Variants in MLC1 observed in about 807,000 individuals in gnomAD.
MLC1 encodes membrane protein MLC1.
Under a neutral mutation model 44.7 loss-of-function variants are expected in MLC1, and 32 were observed. That is an observed-to-expected ratio of 0.72 (90% CI 0.54 to 0.96). The LOEUF is 0.96. Ranked by LOEUF, MLC1 falls within the 40% of genes least tolerant of loss-of-function variation. The pLI, the probability that MLC1 is intolerant of heterozygous loss-of-function variation, is 0.00. For synonymous variants in MLC1, 190 were observed against 213.0 expected, an observed-to-expected ratio of 0.89 and a Z score of 0.94; for missense variants, 459 against 492.2, an observed-to-expected ratio of 0.93 and a Z score of 0.64.
chr22:50,064,513 G>A (rs900781221), intron 10 of MLC1, among the ~76,000 whole-genome samples: 3 of 152,152 alleles, frequency 2.0e-5, no homozygotes, highest in South Asian at 2.1e-4. Flanking sequence ...GCTCCAACAC[G>A]CGCAAGGCTC....
At chr22:50,078,342 A>T (rs2146892051) in intron 5 of MLC1, among the ~76,000 whole-genome samples, 1 of 152,284 alleles carries the variant, frequency 6.6e-6, no homozygotes, top group African/African-American at 2.4e-5. Flanking sequence ...ACCACATTCA[A>T]CTAAAAACAG....
At chr22:50,084,604 G>T in intron 2 of MLC1, 122 bp downstream of exon 2, 1 of 1,073,812 alleles carries the variant, frequency 9.3e-7, no homozygotes, top group Non-Finnish European at 1.4e-6. Context: ...GAGTTCTGCA[G>T]CAGCAGGGTT....
intron 11 of MLC1, among the ~76,000 whole-genome samples, chr22:50,062,832 C>T (rs1299849401): frequency 2.0e-5 from 3 of 152,216 alleles, no homozygotes; most frequent in Non-Finnish European, 4.4e-5. Context: ...CCCAGGGGAG[C>T]ACCACCAGGA....
chr22:50,081,785 G>A (rs908676496), intron 3 of MLC1, among the ~76,000 whole-genome samples: 3 of 152,240 alleles, frequency 2.0e-5, no homozygotes, highest in Admixed American at 6.5e-5. Context: ...AAGAAAGGCC[G>A]GGGGCAGGGC....
chr22:50,070,493 G>A (rs555846381), intron 9 of MLC1, 34 bp downstream of exon 9: 2 of 1,548,222 alleles, frequency 1.3e-6, no homozygotes, highest in African/African-American at 2.7e-5. Context: ...CGCTCGGTGG[G>A]TCCCTGGCAC....
chr22:50,066,280 C>T (rs914107372), intron 10 of MLC1, among the ~76,000 whole-genome samples: 26 of 152,094 alleles, frequency 1.7e-4, no homozygotes, highest in African/African-American at 6.3e-4. Flanking sequence ...GGGCGGATCG[C>T]TTCAGCCCAG....
At chr22:50,070,074 C>T (rs112798629) in intron 9 of MLC1, among the ~76,000 whole-genome samples, 9,400 of 151,906 alleles carry the variant, frequency 0.062, 967 homozygotes, top group African/African-American at 0.21. Flanking sequence ...TGGTGGCAGG[C>T]GCCTATAATC....
At chr22:50,068,723 TTC>T (rs375501945) in intron 9 of MLC1, among the ~76,000 whole-genome samples, 168 bp from the exon 10 acceptor site, 1 of 110,412 alleles carries the variant, frequency 9.1e-6, no homozygotes, top group African/African-American at 3.6e-5. Context: ...TTTTTTCTTT[TTC>T]TTTTTTTTTT....
rs8136173 is a variant in MLC1, at chr22:50,064,459, T to C, written c.895-261A>G. Among the ~76,000 whole-genome samples the C allele has an allele frequency of 0.099, 15,082 of 152,266 alleles. 922 individuals carry two copies. Among genetic ancestry groups the C allele is most frequent in the East Asian group, 0.32 (1,666 of 5,176 alleles). ...GTGACCGAGCCACTGCCAGGCCCCG[T>C]GGACAGTGCTGGCTGCTAGTGGTCA... On this transcript the variant is annotated intron_variant, in intron 10 of 11. Coordinates refer to ENST00000311597, the MANE Select transcript of MLC1 (RefSeq NM_015166.4).
chr22:50,062,741 G>A (rs542209801), intron 11 of MLC1, among the ~76,000 whole-genome samples: 2 of 151,912 alleles, frequency 1.3e-5, no homozygotes, highest in South Asian at 2.1e-4. Context: ...TCAGAGCCCC[G>A]CTGAGTGGCT....
At chr22:50,064,318 C>T (rs2061657886) in intron 10 of MLC1, 120 bp from the exon 11 acceptor site, 11 of 1,215,736 alleles carry the variant, frequency 9.0e-6, no homozygotes, top group Non-Finnish European at 1.3e-5. Context: ...GTCGGAGCCC[C>T]AGTAACCCAA....
rs199506102 is a variant in MLC1, at chr22:50,066,723, G to GA, written c.894+1709dup. On this transcript the variant is annotated intron_variant, in intron 10 of 11. Coordinates refer to ENST00000311597, the MANE Select transcript of MLC1 (RefSeq NM_015166.4). Reference sequence around the variant, plus strand: ...AGTATACAAGCTATTTTGTAAGAAAGAAAAAAAAATTATCATCTGGTTGCC... The same window carrying GA: ...AGTATACAAGCTATTTTGTAAGAAAGAAAAAAAAAATTATCATCTGGTTGCC... Among the ~76,000 whole-genome samples the GA allele has an allele frequency of 2.0e-3, 296 of 151,284 alleles. 5 individuals carry two copies. In the East Asian group the frequency reaches 0.026, roughly 13 times the overall value.
intron 5 of MLC1, among the ~76,000 whole-genome samples, chr22:50,079,034 A>G (rs2062050999): frequency 6.6e-6 from 1 of 151,754 alleles, no homozygotes; most frequent in Non-Finnish European, 1.5e-5. Context: ...CTGTAATCCC[A>G]GCACTATGGG....
chr22:50,062,292 T>TCCTGAGCCCCAGCCGCCCAC (rs1377233979), intron 11 of MLC1, among the ~76,000 whole-genome samples: 16 of 39,686 alleles, frequency 4.0e-4, no homozygotes, highest in East Asian at 9.5e-4. Context: ...CAGCCGTCCA[T>TCCTGAGCCCCAGCCGCCCAC]CCTGAGCCCC....
At chr22:50,065,175 T>A (rs2061677025) in intron 10 of MLC1, among the ~76,000 whole-genome samples, 1 of 152,184 alleles carries the variant, frequency 6.6e-6, no homozygotes, top group Non-Finnish European at 1.5e-5. Flanking sequence ...TGCTTCGGCC[T>A]CCCAAACTGC....
chr22:50,070,586 A>G lies in MLC1; in HGVS notation c.715-3T>C. ...CTGGCAATGGCACTTGGAAAGCACT[A>G]AGAGAAAAGAAAAAGGAAAGATTTT... On this transcript the variant is annotated splice_region_variant and splice_polypyrimidine_tract_variant and intron_variant, in intron 8 of 11. Coordinates refer to ENST00000311597, the MANE Select transcript of MLC1 (RefSeq NM_015166.4). 6.4e-7 allele frequency: 1 copy of G among 1,559,668 alleles called. No homozygotes were observed. The highest frequency in any genetic ancestry group is 8.7e-7 in the Non-Finnish European group (1 of 1,151,026).
Position 50,085,237 on chromosome 22 carries a change from C to A in MLC1, c.-60+118G>T, listed in dbSNP as rs944615218. 6.5e-6 allele frequency: 8 copies of A among 1,229,042 alleles called. No individual in the cohort carries two copies. The African/African-American group carries it at 1.2e-4, about 19-fold the overall frequency. The allele number at this position is 1,229,042 out of a possible 1,614,324, so 76.1% of individuals were successfully genotyped here. On this transcript the variant is annotated intron_variant, in intron 1 of 11. Coordinates refer to ENST00000311597, the MANE Select transcript of MLC1 (RefSeq NM_015166.4). ...AACACCTGACAACATCCATCGGCAA[C>A]TTCGTCCATGAACACATCACGCCGG...
rs568154662 is a variant in MLC1 at position 50,078,330 on chromosome 22, G to A, written c.424-828C>T. On this transcript the variant is annotated intron_variant, in intron 5 of 11. Transcript: ENST00000311597. ...ATACATTTAAAAAAGAAAGAGTGCA[G>A]AACCACATTCAACTAAAAACAGAGC... Among the ~76,000 whole-genome samples the A allele has an allele frequency of 2.0e-5, 3 of 152,198 alleles. No homozygotes were observed. The East Asian group carries it at 5.8e-4, about 29-fold the overall frequency.
At chr22:50,074,096 G>A (rs1411244655) in intron 8 of MLC1, 120 bp downstream of exon 8, 8 of 799,140 alleles carry the variant, frequency 1.0e-5, no homozygotes, top group South Asian at 5.8e-5. Context: ...GGGGGCCAGC[G>A]AGGACCCTCT....
Sources: gnomAD v4.1 joint callset for allele counts (sites outside exome capture counted in the v4.1 genomes callset) on GRCh38, gnomAD v4.1.1 for gene constraint, MANE v1.5 for transcripts, NCBI Gene and HGNC (gene_info 2026-07-23, HGNC 2026-07-21) for gene names.